The following SEZ6L2 variants were observed in gnomAD, a reference collection of about 807,000 sequenced individuals.
SEZ6L2 encodes the protein seizure related 6 homolog like 2.
SEZ6L2 carries 44 observed loss-of-function variants against 97.0 expected under a neutral mutation model. The ratio of observed to expected loss-of-function variants is 0.45; its 90% CI spans 0.36 to 0.58. SEZ6L2 has a LOEUF of 0.58. Ranked by LOEUF, SEZ6L2 falls within the 20% of genes least tolerant of loss-of-function variation. The pLI, the probability that SEZ6L2 is intolerant of heterozygous loss-of-function variation, is 0.00. For missense variants in SEZ6L2, 1,086 were observed against 1,233.3 expected (o/e 0.88, Z 1.79); for synonymous variants, 543 against 546.1 (o/e 0.99, Z 0.08).
rs2067919168 is a variant in SEZ6L2 at position 29,877,018 on chromosome 16, C to CTT, written c.1910-70_1910-69dup. ...GCGGGCTCCCTTCCAGCCTCGGAGG[C>CTT]TTTGCTCTGTGCCCCCTCCCGGGAT... On this transcript the variant is annotated intron_variant, in intron 11 of 17. Coordinates refer to ENST00000617533, the MANE Select transcript of SEZ6L2 (RefSeq NM_001243332.2). 3 of 1,484,134 alleles carry CTT rather than the reference C, an allele frequency of 2.0e-6. No individual in the cohort carries two copies. The South Asian group carries it at 3.7e-5, about 19-fold the overall frequency. The allele number at this position is 1,484,134 out of a possible 1,614,324, so 91.9% of individuals were successfully genotyped here.
intron 9 of SEZ6L2, among the ~76,000 whole-genome samples, chr16:29,879,173 G>C (rs1225920428): frequency 6.7e-6 from 1 of 148,504 alleles, no homozygotes; most frequent in African/African-American, 2.5e-5. Flanking sequence ...AGAGTGTTGG[G>C]ATTACAGGCG....
At position 29,877,346 on chromosome 16, in the gene SEZ6L2, G is replaced by A. The variant is rs748793314; in HGVS notation, c.1834C>T (p.Leu612Phe). Residue 612 changes from leucine (L) to phenylalanine (F), a missense_variant, in exon 11 of 18, where the codon CTC (leucine) becomes TTC (phenylalanine). Physicochemically the swap from Leu to Phe is conservative, Grantham distance 22 (BLOSUM62 0). Around this residue, in one of 2 missense-constraint regions of SEZ6L2, gnomAD observed 310 missense variants for 438.6 expected, o/e 0.71. Coordinates refer to ENST00000617533, the MANE Select transcript of SEZ6L2 (RefSeq NM_001243332.2). ...GGCGGTGCCTGAAACTGCAGTGTGA[G>A]GTCGGGCCCAGAGGAGAGAAGGCGG... ...RRRLLSSGPD[L>F]TLQFQAPPGP... 5.0e-6 allele frequency: 8 copies of A among 1,613,452 alleles called. No individual in the cohort carries two copies. In the East Asian group the frequency reaches 1.3e-4, roughly 27 times the overall value.
In SEZ6L2 at chr16:29,887,700, C is replaced by A; in HGVS notation, c.1157G>T (p.Arg386Leu). ...CCTTTCAAAGTGCAGGTGCAGCCGG[C>A]GCCCCTCAGCTGCTTCAATGACCCA... ...CRWVIEAAEG[R>L]RLHLHFERVS... Residue 386 changes from arginine (R) to leucine (L), a missense_variant, in exon 7 of 18, where the codon CGC (arginine) becomes CTC (leucine). Around this residue, in one of 2 missense-constraint regions of SEZ6L2, gnomAD observed 776 missense variants for 794.7 expected, o/e 0.98. Transcript: ENST00000617533. 1 of 1,609,070 alleles carries A rather than the reference C, an allele frequency of 6.2e-7. No individual in the cohort carries two copies. The highest frequency in any genetic ancestry group is 1.1e-5 in the South Asian group (1 of 90,634).
chr16:29,893,114 CGG>C (rs2068305716), intron 5 of SEZ6L2, among the ~76,000 whole-genome samples: 1 of 152,004 alleles, frequency 6.6e-6, no homozygotes, highest in South Asian at 2.1e-4. Flanking sequence ...TTCCTGAGGT[CGG>C]GAGTTCGAGA....
chr16:29,872,237 T>C lies in SEZ6L2; in HGVS notation c.2692A>G (p.Ser898Gly). The C allele has an allele frequency of 6.2e-7, 1 of 1,612,686 alleles. No homozygotes were observed. The highest frequency in any genetic ancestry group is 8.5e-7 in the Non-Finnish European group (1 of 1,179,400). ...LFGFSGSHSY[S>G]PITVESDFSN... ...AAGTCCGACTCCACGGTGATGGGGC[T>C]GTAGGAGTGGGAGCCCGAGAAGCCG... is the stretch of plus-strand genomic sequence containing the variant. The change falls in exon 17 of 18, where the codon AGC (serine) becomes GGC (glycine). Residue 898 changes from serine to glycine, a missense_variant. Coordinates refer to ENST00000617533, the MANE Select transcript of SEZ6L2 (RefSeq NM_001243332.2).
At chr16:29,890,001 C>CGGGTTCAA (rs2068237512) in intron 5 of SEZ6L2, among the ~76,000 whole-genome samples, 1 of 151,250 alleles carries the variant, frequency 6.6e-6, no homozygotes, top group South Asian at 2.1e-4. Context: ...CTCCGTCTCC[C>CGGGTTCAA]GGGTTCAAGC....
rs1300036838 is a variant in SEZ6L2, at chr16:29,878,274, G to T, written c.1712+13C>A. 2.5e-6 allele frequency: 4 copies of T among 1,587,744 alleles called. No homozygotes were observed. Among genetic ancestry groups the T allele is most frequent in the Non-Finnish European group, 3.4e-6 (4 of 1,164,390 alleles). On this transcript the variant is annotated intron_variant, in intron 10 of 17. Coordinates refer to ENST00000617533, the MANE Select transcript of SEZ6L2 (RefSeq NM_001243332.2). Reference sequence around the variant, plus strand: ...CCTACACCCGTCGCACCCTCTGCAGGACCCAAACATACATCTCAACTTGGA... The same window carrying T: ...CCTACACCCGTCGCACCCTCTGCAGTACCCAAACATACATCTCAACTTGGA...
intron 5 of SEZ6L2, among the ~76,000 whole-genome samples, chr16:29,889,454 T>C (rs2068221722): frequency 6.6e-6 from 1 of 151,730 alleles, no homozygotes; most frequent in Middle Eastern, 3.4e-3. Flanking sequence ...AAAAAAAGAT[T>C]ATGTGACCTG....
chr16:29,898,447 C>CTCTCT (rs34019898), intron 1 of SEZ6L2, among the ~76,000 whole-genome samples: 11 of 149,656 alleles, frequency 7.4e-5, no homozygotes, highest in African/African-American at 2.7e-4. Flanking sequence ...CTCTCTCTCT[C>CTCTCT]CCCCCCACCC....
intron 1 of SEZ6L2, 24 bp downstream of exon 1, chr16:29,898,917 A>AC: frequency 1.3e-6 from 2 of 1,594,888 alleles, no homozygotes; most frequent in Non-Finnish European, 1.7e-6. Flanking sequence ...CCTGGGGCCC[A>AC]CCCCCACAGT....
intron 7 of SEZ6L2, 143 bp from the exon 8 acceptor site, chr16:29,885,892 C>A: frequency 1.5e-6 from 1 of 680,548 alleles, no homozygotes; most frequent in Non-Finnish European, 2.3e-6. Context: ...CTTACACATT[C>A]TATCTCATTT....
At chr16:29,889,439 C>CAA (rs537220811) in intron 5 of SEZ6L2, among the ~76,000 whole-genome samples, 2 of 140,660 alleles carry the variant, frequency 1.4e-5, no homozygotes, top group African/African-American at 2.6e-5. Flanking sequence ...AACTCTGTCT[C>CAA]AAAAAAAAAA....
In SEZ6L2 at chr16:29,895,295, C is replaced by A; in HGVS notation, c.817G>T (p.Val273Phe). 1 of 1,614,124 alleles carries A rather than the reference C, an allele frequency of 6.2e-7. No homozygotes were observed. Among genetic ancestry groups the A allele is most frequent in the Middle Eastern group, 1.7e-4 (1 of 6,058 alleles). The change falls in exon 5 of 18, where the codon GTC becomes TTC. Residue 273 changes from valine to phenylalanine, a missense_variant. Around this residue, in one of 2 missense-constraint regions of SEZ6L2, gnomAD observed 776 missense variants for 794.7 expected, o/e 0.98. Transcript: ENST00000617533. The part of the protein sequence containing the change: ...RLLLHFQSPR[V>F]PRGGGFRIHY... ...ATCCTGAAGCCACCGCCCCTTGGGACCCGTGGGCTCTGGAAGTGCAGAAGC... is the reference window on the plus strand; with the variant it reads ...ATCCTGAAGCCACCGCCCCTTGGGAACCGTGGGCTCTGGAAGTGCAGAAGC...
At chr16:29,892,951 G>A (rs553352478) in intron 5 of SEZ6L2, among the ~76,000 whole-genome samples, 3 of 152,360 alleles carry the variant, frequency 2.0e-5, no homozygotes, top group East Asian at 1.9e-4. Context: ...GCAGTCGTGC[G>A]TGAATACAGC....
chr16:29,876,786 A>G lies in SEZ6L2; in HGVS notation c.2074T>C (p.Trp692Arg). The change falls in exon 12 of 18, where the codon TGG becomes CGG. Residue 692 changes from tryptophan to arginine, a missense_variant. This residue lies in a region of SEZ6L2 where 310 missense variants were observed against 438.6 expected (regional missense o/e 0.71). Coordinates refer to ENST00000617533, the MANE Select transcript of SEZ6L2 (RefSeq NM_001243332.2). This position sits in a 1 kb window ranked among gnomAD's most constrained non-coding sequence, Gnocchi z 6.5. ...DILTCQWDLS[W>R]SAAPPACQKI... is the part of the protein sequence containing the mutation. ...TGGCAGGCGGGCGGCGCGGCGCTCC[A>G]AGACAGGTCCCACTGGCAAGTGAGA... The G allele has an allele frequency of 6.3e-7, 1 of 1,574,988 alleles. No individual in the cohort carries two copies. The highest frequency in any genetic ancestry group is 8.6e-7 in the Non-Finnish European group (1 of 1,161,506).
chr16:29,886,680 TAAA>T (rs60991015), intron 7 of SEZ6L2, among the ~76,000 whole-genome samples: 10 of 138,694 alleles, frequency 7.2e-5, no homozygotes, highest in Admixed American at 2.2e-4. Flanking sequence ...GACTCCATCT[TAAA>T]AAAAAAAAAA....
rs373585420 is a variant in SEZ6L2 at position 29,873,614 on chromosome 16, C to A, written c.2220G>T (p.Glu740Asp). 6.2e-7 allele frequency: 1 copy of A among 1,614,094 alleles called. No homozygotes were observed. Among genetic ancestry groups the A allele is most frequent in the Non-Finnish European group, 8.5e-7 (1 of 1,180,006 alleles). Residue 740 changes from glutamate to aspartate, a missense_variant, in exon 13 of 18, where the codon GAG becomes GAT. By Grantham distance (45) the Glu-to-Asp change is conservative (BLOSUM62 2). Around this residue, in one of 2 missense-constraint regions of SEZ6L2, gnomAD observed 310 missense variants for 438.6 expected, o/e 0.71. Transcript: ENST00000617533. This position sits in a 1 kb window ranked among gnomAD's most constrained non-coding sequence, Gnocchi z 4.3. ...TGTAGCAGGTGAGCATGGCTGCCCC[C>A]TCGAGGCTGTACCCTGGCAGGCAGC... ...QYRCLPGYSL[E>D]GAAMLTCYSR...
intron 10 of SEZ6L2, 78 bp from the exon 11 acceptor site, chr16:29,877,545 T>G: frequency 7.6e-7 from 1 of 1,310,178 alleles, no homozygotes; most frequent in Non-Finnish European, 1.0e-6. Context: ...TCCTCAACTC[T>G]GCTCATTGGT....
chr16:29,898,864 G>T, intron 1 of SEZ6L2, 77 bp downstream of exon 1: 1 of 1,132,256 alleles, frequency 8.8e-7, no homozygotes, highest in Non-Finnish European at 1.3e-6. Flanking sequence ...GAAGACCCAG[G>T]ATATTAAGAG....
Sources: allele counts gnomAD v4.1 joint callset (sites outside exome capture counted in the v4.1 genomes callset), GRCh38; gene constraint gnomAD v4.1.1; regional missense constraint gnomAD v4.1.1; non-coding constraint Gnocchi (gnomAD v3.1); transcripts MANE v1.5; gene names NCBI Gene and HGNC (gene_info 2026-07-23, HGNC 2026-07-21).